Variants in AHI1 observed in about 807,000 individuals in gnomAD.
AHI1 encodes the protein Abelson helper integration site 1, also known as jouberin.
In AHI1, 123 loss-of-function variants were observed where a neutral mutation model predicts 149.3. That is an observed-to-expected ratio of 0.82 (90% CI 0.71 to 0.96). The LOEUF is 0.96. Among genes scored for constraint, AHI1 ranks in the 40% least tolerant of loss-of-function variants. AHI1 has a pLI of 0.00. For synonymous variants in AHI1, 475 were observed against 459.8 expected (o/e 1.03, Z -0.42); for missense variants, 1,439 against 1,422.7 (o/e 1.01, Z -0.18).
intron 20 of AHI1, among the ~76,000 whole-genome samples, chr6:135,413,106 A>G (rs758798198): frequency 2.6e-5 from 4 of 151,924 alleles, no homozygotes; most frequent in Non-Finnish European, 4.4e-5. Flanking sequence ...AGGTGGGAGG[A>G]TCACTTGAGC....
At chr6:135,306,748 G>C (rs1291214547) in intron 26 of AHI1, 1 of 152,186 alleles carries the variant, frequency 6.6e-6, no homozygotes, top group Non-Finnish European at 1.5e-5. Flanking sequence ...CACCAGGCCT[G>C]GGGATTGGTG....
intron 24 of AHI1, among the ~76,000 whole-genome samples, chr6:135,343,093 A>G (rs1374807176): frequency 2.0e-5 from 3 of 151,922 alleles, no homozygotes; most frequent in Non-Finnish European, 4.4e-5. Flanking sequence ...TACAGATTCA[A>G]AAAGGTCTCA....
chr6:135,358,186 C>T lies in AHI1; in HGVS notation c.3111G>A (p.Gly1037=). 1.2e-6 allele frequency: 2 copies of T among 1,611,806 alleles called. No homozygotes were observed. The highest frequency in any genetic ancestry group is 1.7e-6 in the Non-Finnish European group (2 of 1,178,964). ...AAGGCTTTCTTTCTATGCTGATAAT[C>T]CCTGTGGAAAGAAAACATTGTGAGT... ...ILHQFGFTQT[G]IISIERKPCN... The change falls in exon 24 of 29, where the codon GGG becomes GGA. Residue 1037 remains glycine (G), a splice_region_variant and synonymous_variant. Transcript: ENST00000265602.
chr6:135,392,587 G>A (rs1234062602), intron 23 of AHI1, among the ~76,000 whole-genome samples: 3 of 152,252 alleles, frequency 2.0e-5, no homozygotes, highest in East Asian at 3.9e-4. Context: ...GGTTTTCAGT[G>A]AGATTTTTAT....
intron 21 of AHI1, among the ~76,000 whole-genome samples, chr6:135,409,997 C>G (rs1167401941): frequency 6.6e-6 from 1 of 152,162 alleles, no homozygotes. Flanking sequence ...ATCAGTGGCA[C>G]TATGTATCAG....
Position 135,342,960 on chromosome 6 carries a change from C to T in AHI1, c.3165+15172G>A, listed in dbSNP as rs1163274394. On this transcript the variant is annotated intron_variant, in intron 24 of 28. Coordinates refer to ENST00000265602, the MANE Select transcript of AHI1 (RefSeq NM_001134831.2). ...AAAATTAGGCAAGAAAAAAAAAAGG[C>T]ACCCGGATCGGAAAGGAGAAGTAAA... Among the ~76,000 whole-genome samples, 4 of 150,636 alleles carry T rather than the reference C, an allele frequency of 2.7e-5. No individual in the cohort carries two copies. The East Asian group carries it at 5.8e-4, about 22-fold the overall frequency.
chr6:135,376,921 A>AAAAAAAAAG (rs1776025303), intron 23 of AHI1, among the ~76,000 whole-genome samples: 3 of 128,690 alleles, frequency 2.3e-5, no homozygotes, highest in African/African-American at 8.6e-5. Context: ...AAAAAAAAAA[A>AAAAAAAAAG]GTTGGTCCAG....
rs576109031 is a variant in AHI1 at position 135,455,171 on chromosome 6, T to G, written c.1344+563A>C. On this transcript the variant is annotated intron_variant, in intron 10 of 28. Coordinates refer to ENST00000265602, the MANE Select transcript of AHI1 (RefSeq NM_001134831.2). ...GGGAAATCACTTTTATTCCAAACCT[T>G]GTTATCATTTTCAGTAAGAAAATTA... 2.4e-4 allele frequency among the ~76,000 whole-genome samples: 37 copies of G among 152,270 alleles called. 1 individual carries two copies. The highest frequency in any genetic ancestry group is 1.4e-3 in the Admixed American group (22 of 15,298).
At chr6:135,385,250 G>GTTAT (rs202140667) in intron 23 of AHI1, among the ~76,000 whole-genome samples, 1,732 of 152,310 alleles carry the variant, frequency 0.011, 37 homozygotes, top group African/African-American at 0.039. Context: ...TGGCATATGA[G>GTTAT]TTAAAGTCAT....
At chr6:135,488,820 AATTTCAT>A (rs1794844276) in intron 5 of AHI1, among the ~76,000 whole-genome samples, 1 of 152,002 alleles carries the variant, frequency 6.6e-6, no homozygotes, top group Non-Finnish European at 1.5e-5. Flanking sequence ...TATCTTTTCA[AATTTCAT>A]TAAAATAGAT....
intron 28 of AHI1, chr6:135,286,374 C>T (rs1306721494): frequency 1.3e-5 from 2 of 152,250 alleles, no homozygotes; most frequent in African/African-American, 2.4e-5. Context: ...ATCATTCATA[C>T]AGCATTGATA....
At chr6:135,484,419 T>C (rs1413356083) in intron 5 of AHI1, among the ~76,000 whole-genome samples, 1 of 152,150 alleles carries the variant, frequency 6.6e-6, no homozygotes, top group African/African-American at 2.4e-5. Flanking sequence ...CCAATCTGAA[T>C]CTCTTTTAAA....
chr6:135,295,270 A>C lies in AHI1; in HGVS notation c.3486-4745T>G, dbSNP rs530673999. 2.0e-5 allele frequency among the ~76,000 whole-genome samples: 3 copies of C among 152,356 alleles called. No homozygotes were observed. In the East Asian group the frequency reaches 5.8e-4, roughly 29 times the overall value. Reference sequence around the variant, plus strand: ...TAAATTAGAAGGACTGACCATATCAAGTATTGGTGAGGAAGCAGAACTCAT... The same window carrying C: ...TAAATTAGAAGGACTGACCATATCACGTATTGGTGAGGAAGCAGAACTCAT... On this transcript the variant is annotated intron_variant, in intron 27 of 28. Transcript: ENST00000265602.
intron 19 of AHI1, among the ~76,000 whole-genome samples, 197 bp from the exon 20 acceptor site, chr6:135,427,504 C>T (rs1562742933): frequency 6.6e-6 from 1 of 151,578 alleles, no homozygotes; most frequent in Non-Finnish European, 1.5e-5. Context: ...TCCACTGACC[C>T]TCCTCCTTCT....
intron 23 of AHI1, among the ~76,000 whole-genome samples, chr6:135,364,532 A>T (rs1225357755): frequency 2.7e-5 from 4 of 150,134 alleles, no homozygotes; most frequent in Non-Finnish European, 4.4e-5. Context: ...TTGGGAGGCC[A>T]AGGCAGGCGG....
chr6:135,489,946 T>C (rs982583579), intron 5 of AHI1: 1 of 386,360 alleles, frequency 2.6e-6, no homozygotes, highest in Non-Finnish European at 4.6e-6. Context: ...TGTTTATTTT[T>C]TTCTGTGAGG....
intron 24 of AHI1, among the ~76,000 whole-genome samples, chr6:135,338,067 G>T (rs1427606233): frequency 6.6e-6 from 1 of 152,114 alleles, no homozygotes; most frequent in African/African-American, 2.4e-5. Context: ...GGAGGCCGAG[G>T]TGGGTGGATC....
intron 26 of AHI1, among the ~76,000 whole-genome samples, chr6:135,306,464 A>G (rs527544790): frequency 6.6e-6 from 1 of 152,350 alleles, no homozygotes; most frequent in East Asian, 1.9e-4. Context: ...AGAAATCAGC[A>G]GCTTGAGTGA....
chr6:135,325,478 A>T (rs1378342174), intron 24 of AHI1, among the ~76,000 whole-genome samples: 1 of 152,192 alleles, frequency 6.6e-6, no homozygotes, highest in Non-Finnish European at 1.5e-5. Flanking sequence ...AGTGCTCACC[A>T]TGTTCTCGAT....
Sources: gnomAD v4.1 joint callset for allele counts (sites outside exome capture counted in the v4.1 genomes callset) on GRCh38, gnomAD v4.1.1 for gene constraint, MANE v1.5 for transcripts, NCBI Gene and HGNC (gene_info 2026-07-23, HGNC 2026-07-21) for gene names.